The following SLC2A13 variants were observed in gnomAD, a reference collection of about 807,000 sequenced individuals.
SLC2A13 encodes the protein solute carrier family 2 member 13.
SLC2A13 carries 32 observed loss-of-function variants against 64.4 expected under a neutral mutation model. The ratio of observed to expected loss-of-function variants is 0.50; its 90% confidence interval spans 0.37 to 0.67. The LOEUF (loss-of-function observed/expected upper bound fraction) is 0.67. Ranked by LOEUF, SLC2A13 falls within the 30% of genes least tolerant of loss-of-function variation. The pLI, the probability that SLC2A13 is intolerant of heterozygous loss-of-function variation, is 0.00. For synonymous variants in SLC2A13, 338 were observed against 327.1 expected (o/e 1.03, Z -0.36); for missense variants, 743 against 829.2 (o/e 0.90, Z 1.28).
intron 4 of SLC2A13, among the ~76,000 whole-genome samples, chr12:39,933,807 C>T (rs1011229116): frequency 2.0e-5 from 3 of 152,130 alleles, no homozygotes; most frequent in Non-Finnish European, 2.9e-5. Flanking sequence ...GTATCACTCA[C>T]TGAGATGGGT....
In SLC2A13 at chr12:40,048,291, T is replaced by A. The variant is rs141164228; in HGVS notation, c.557-81A>T. The A allele has an allele frequency of 7.4e-3, 10,085 of 1,359,974 alleles. 72 individuals carry two copies. The highest frequency in any genetic ancestry group is 0.029 in the Middle Eastern group (144 of 4,996). 84.2% of individuals were successfully genotyped at this position (1,359,974 alleles called of 1,614,324 possible). The stretch of plus-strand genomic sequence containing the variant: ...TAAATACTAATGCTAGATTTAGGCA[T>A]ACACTTACATATATGGGCTTGGTTT... On this transcript the variant is annotated intron_variant, in intron 1 of 9. Transcript: ENST00000280871.
At chr12:39,816,380 T>A (rs1752422052) in intron 7 of SLC2A13, among the ~76,000 whole-genome samples, 2 of 129,264 alleles carry the variant, frequency 1.5e-5, no homozygotes, top group South Asian at 4.8e-4. Context: ...AATTGAACAA[T>A]GAGAACACTT....
At chr12:40,078,440 C>T (rs1938265201) in intron 1 of SLC2A13, among the ~76,000 whole-genome samples, 1 of 151,822 alleles carries the variant, frequency 6.6e-6, no homozygotes. Context: ...TGATAAATCA[C>T]ATAGATTTCC....
intron 1 of SLC2A13, among the ~76,000 whole-genome samples, chr12:40,069,898 CA>C (rs1937887458): frequency 6.6e-6 from 1 of 152,008 alleles, no homozygotes; most frequent in African/African-American, 2.4e-5. Flanking sequence ...TTCTTATATA[CA>C]ATCAGTTTAA....
chr12:39,823,005 C>T (rs1236453748), intron 7 of SLC2A13, among the ~76,000 whole-genome samples: 1 of 152,144 alleles, frequency 6.6e-6, no homozygotes, highest in Non-Finnish European at 1.5e-5. Context: ...AATATAGTCA[C>T]TAAATCCAAG....
At chr12:40,065,756 A>G (rs1565611779) in intron 1 of SLC2A13, among the ~76,000 whole-genome samples, 1 of 152,342 alleles carries the variant, frequency 6.6e-6, no homozygotes, top group Admixed American at 6.5e-5. Flanking sequence ...CATAACCACA[A>G]TGGAGATAAG....
intron 4 of SLC2A13, among the ~76,000 whole-genome samples, chr12:39,912,693 C>A (rs1945450460): frequency 6.6e-6 from 1 of 152,030 alleles, no homozygotes; most frequent in Non-Finnish European, 1.5e-5. Context: ...CATCCAGAAA[C>A]TACATGGCAA....
At chr12:40,068,886 CA>C (rs1188364070) in intron 1 of SLC2A13, among the ~76,000 whole-genome samples, 1 of 151,350 alleles carries the variant, frequency 6.6e-6, no homozygotes, top group Non-Finnish European at 1.5e-5. Flanking sequence ...GAATATGGCC[CA>C]AAAACAAGTC....
At chr12:40,100,969 CA>C (rs10633826) in intron 1 of SLC2A13, among the ~76,000 whole-genome samples, 6 of 84,704 alleles carry the variant, frequency 7.1e-5, no homozygotes, top group East Asian at 3.8e-4. Context: ...CCATCTCAGA[CA>C]AAAAAAAAAA....
intron 7 of SLC2A13, among the ~76,000 whole-genome samples, chr12:39,769,545 GGGTGTAGGCTTCCTTCCTCCCTCC>G (rs1940484887): frequency 2.2e-4 from 1 of 4,472 alleles, no homozygotes; most frequent in African/African-American, 1.9e-3. Context: ...AAACATTGTA[GGGTGTAGGCTTCCTTCCTCCCTCC>G]GGTGGTACAA....
intron 7 of SLC2A13, among the ~76,000 whole-genome samples, chr12:39,785,920 C>T (rs1160415083): frequency 6.6e-6 from 1 of 152,142 alleles, no homozygotes; most frequent in Non-Finnish European, 1.5e-5. Context: ...TACCCAATAC[C>T]TGTATCCTCA....
At chr12:39,867,109 C>G (rs1284487843) in intron 5 of SLC2A13, among the ~76,000 whole-genome samples, 1 of 152,168 alleles carries the variant, frequency 6.6e-6, no homozygotes, top group Non-Finnish European at 1.5e-5. Context: ...TACCTCTCTC[C>G]TAAAACAAAA....
chr12:39,987,129 C>G (rs919857773), intron 3 of SLC2A13, among the ~76,000 whole-genome samples: 1 of 152,084 alleles, frequency 6.6e-6, no homozygotes, highest in African/African-American at 2.4e-5. Flanking sequence ...TAGCTCCAGT[C>G]AATCATATCC....
chr12:40,029,106 T>G (rs556521609), intron 2 of SLC2A13, among the ~76,000 whole-genome samples: 1 of 152,158 alleles, frequency 6.6e-6, no homozygotes, highest in South Asian at 2.1e-4. Context: ...ATAATCCTAA[T>G]AAAAATCTGC....
At chr12:39,877,703 T>C (rs1375198667) in intron 4 of SLC2A13, among the ~76,000 whole-genome samples, 3 of 152,234 alleles carry the variant, frequency 2.0e-5, no homozygotes. Context: ...TTCCAATGTT[T>C]ACAGAAATAA....
At chr12:39,856,237 GCATCCATCCATCCATCCATCCATT>G (rs938136521) in intron 6 of SLC2A13, among the ~76,000 whole-genome samples, 4 of 151,818 alleles carry the variant, frequency 2.6e-5, no homozygotes, top group African/African-American at 7.3e-5. Flanking sequence ...ATCTATCCAT[GCATCCATCCATCCATCCATCCATT>G]CATCCATCCA....
intron 3 of SLC2A13, among the ~76,000 whole-genome samples, chr12:39,959,234 G>C (rs913797318): frequency 3.9e-5 from 6 of 152,174 alleles, no homozygotes; most frequent in African/African-American, 1.4e-4. Flanking sequence ...GTGATTACAA[G>C]CTGGTGCTTG....
chr12:39,975,359 A>G (rs1422118014), intron 3 of SLC2A13, among the ~76,000 whole-genome samples: 2 of 152,236 alleles, frequency 1.3e-5, no homozygotes, highest in Non-Finnish European at 2.9e-5. Context: ...TATTTTAACT[A>G]CGTACATTCT....
chr12:39,936,197 C>G (rs1908912), intron 4 of SLC2A13, among the ~76,000 whole-genome samples: 85,093 of 152,084 alleles, frequency 0.56, 26,186 homozygotes, highest in Non-Finnish European at 0.69. Context: ...GTGCATCCCT[C>G]TACAGTGTTG....
Sources: allele counts gnomAD v4.1 joint callset (sites outside exome capture counted in the v4.1 genomes callset), GRCh38; gene constraint gnomAD v4.1.1; transcripts MANE v1.5; gene names NCBI Gene and HGNC (gene_info 2026-07-23, HGNC 2026-07-21).